Variants in BRINP1 observed in about 807,000 individuals in gnomAD.
BRINP1 encodes the protein BMP/retinoic acid-inducible neural-specific protein 1.
BRINP1 carries 17 observed loss-of-function variants against 72.9 expected under a neutral mutation model. The ratio of observed to expected loss-of-function variants is 0.23; its 90% confidence interval spans 0.16 to 0.35. BRINP1 has a LOEUF of 0.35. BRINP1 is among the 10% of genes least tolerant of loss of function. The pLI, the probability that BRINP1 is intolerant of heterozygous loss-of-function variation, is 1.00. For synonymous variants in BRINP1, 418 were observed against 378.5 expected (o/e 1.10, Z -1.21); for missense variants, 850 against 1,001.6 (o/e 0.85, Z 2.04).
chr9:119,355,102 C>T (rs1405390684), intron 1 of BRINP1, among the ~76,000 whole-genome samples: 1 of 152,156 alleles, frequency 6.6e-6, no homozygotes, highest in African/African-American at 2.4e-5. Flanking sequence ...AATTAAAATG[C>T]TGACTACACA....
chr9:119,330,692 G>T (rs1241080313), intron 1 of BRINP1, among the ~76,000 whole-genome samples: 1 of 152,096 alleles, frequency 6.6e-6, no homozygotes, highest in African/African-American at 2.4e-5. Flanking sequence ...AAATGTGATT[G>T]ACCTTTCATA....
intron 7 of BRINP1, among the ~76,000 whole-genome samples, chr9:119,169,259 T>TCATTG (rs1194814841): frequency 2.0e-5 from 3 of 152,012 alleles, no homozygotes; most frequent in Admixed American, 1.3e-4. Context: ...TGGGCGCAGG[T>TCATTG]CATTGGGTGC....
At chr9:119,361,599 A>T (rs897874196) in intron 1 of BRINP1, among the ~76,000 whole-genome samples, 2 of 150,574 alleles carry the variant, frequency 1.3e-5, no homozygotes, top group African/African-American at 4.9e-5. Context: ...GAACTTTGTC[A>T]TGCAACATAT....
intron 5 of BRINP1, among the ~76,000 whole-genome samples, chr9:119,235,195 T>A (rs1230137151): frequency 1.3e-5 from 2 of 152,154 alleles, no homozygotes; most frequent in Non-Finnish European, 2.9e-5. Context: ...TTCTAAAATA[T>A]CAATCTCTTC....
At chr9:119,195,215 C>T (rs183649556) in intron 7 of BRINP1, among the ~76,000 whole-genome samples, 1 of 152,216 alleles carries the variant, frequency 6.6e-6, no homozygotes, top group East Asian at 1.9e-4. Flanking sequence ...CTTGCTCACC[C>T]CCCTACCACT....
chr9:119,199,635 C>T (rs1829782783), intron 7 of BRINP1, among the ~76,000 whole-genome samples: 1 of 152,068 alleles, frequency 6.6e-6, no homozygotes, highest in South Asian at 2.1e-4. Context: ...AGTTAAGCTT[C>T]CATGGATCTT....
rs554852563 is a variant in BRINP1 at position 119,292,296 on chromosome 9, C to A, written c.218+20842G>T. 3.3e-5 allele frequency among the ~76,000 whole-genome samples: 5 copies of A among 152,156 alleles called. No homozygotes were observed. In the South Asian group the frequency reaches 6.2e-4, roughly 19 times the overall value. ...CCTCTGCTCAAGTTGACTGCTTAAA[C>A]GGAGAAGAAAAATATAATGGACGTA... is the stretch of plus-strand genomic sequence containing the variant. On this transcript the variant is annotated intron_variant, in intron 2 of 7. Coordinates refer to ENST00000265922, the MANE Select transcript of BRINP1 (RefSeq NM_014618.3).
chr9:119,296,733 A>T (rs558760825), intron 2 of BRINP1, among the ~76,000 whole-genome samples: 8 of 152,340 alleles, frequency 5.3e-5, no homozygotes, highest in African/African-American at 1.7e-4. Flanking sequence ...CCTGGAGGAC[A>T]TTATGCTAAA....
intron 7 of BRINP1, among the ~76,000 whole-genome samples, chr9:119,170,027 G>A (rs1829383355): frequency 1.3e-5 from 2 of 152,106 alleles, no homozygotes; most frequent in African/African-American, 4.8e-5. Context: ...CACAAAGATG[G>A]GGAAAAAACA....
chr9:119,177,286 T>C (rs1829500218), intron 7 of BRINP1, among the ~76,000 whole-genome samples: 1 of 152,102 alleles, frequency 6.6e-6, no homozygotes, highest in Non-Finnish European at 1.5e-5. Flanking sequence ...CCAATCCTAT[T>C]ACAGCCTGGA....
intron 7 of BRINP1, among the ~76,000 whole-genome samples, chr9:119,185,442 A>C (rs1829606926): frequency 1.3e-5 from 2 of 152,344 alleles, no homozygotes; most frequent in Non-Finnish European, 2.9e-5. Context: ...ACATCTCTGA[A>C]GAGTGCATTA....
At chr9:119,311,205 G>T (rs1831063010) in intron 2 of BRINP1, among the ~76,000 whole-genome samples, 1 of 152,072 alleles carries the variant, frequency 6.6e-6, no homozygotes, top group Non-Finnish European at 1.5e-5. Flanking sequence ...GTCTGTAGCT[G>T]GTGCTTAATA....
At chr9:119,202,603 C>T (rs930636462) in intron 7 of BRINP1, among the ~76,000 whole-genome samples, 15 of 152,190 alleles carry the variant, frequency 9.9e-5, no homozygotes, top group Non-Finnish European at 1.8e-4. Context: ...GGTGGCAAGA[C>T]AAGCCACAGG....
intron 7 of BRINP1, among the ~76,000 whole-genome samples, chr9:119,180,894 AGAGGAAGATGGAAG>A (rs1358923904): frequency 6.6e-6 from 1 of 152,166 alleles, no homozygotes; most frequent in Non-Finnish European, 1.5e-5. Flanking sequence ...TGGAGAGGGC[AGAGGAAGATGGAAG>A]AAGGAAGAAG....
At chr9:119,213,356 C>T (rs1173659985) in intron 6 of BRINP1, among the ~76,000 whole-genome samples, 1 of 152,206 alleles carries the variant, frequency 6.6e-6, no homozygotes, top group Non-Finnish European at 1.5e-5. Flanking sequence ...GGATGACTGT[C>T]TTTCCACCCC....
intron 2 of BRINP1, among the ~76,000 whole-genome samples, chr9:119,253,546 T>C (rs147181677): frequency 2.0e-5 from 3 of 152,082 alleles, no homozygotes; most frequent in Non-Finnish European, 2.9e-5. Flanking sequence ...TTGTGGGAGA[T>C]GAAAAATGGA....
chr9:119,349,034 A>G (rs1831476811), intron 1 of BRINP1, among the ~76,000 whole-genome samples: 2 of 152,170 alleles, frequency 1.3e-5, no homozygotes, highest in Admixed American at 6.5e-5. Flanking sequence ...GTTATTTGCC[A>G]GGTTGAAACA....
chr9:119,326,967 C>T (rs1027585538), intron 1 of BRINP1, among the ~76,000 whole-genome samples: 1 of 152,080 alleles, frequency 6.6e-6, no homozygotes, highest in Non-Finnish European at 1.5e-5. Context: ...CCAAGAGAAG[C>T]ATGTGAAATG....
In BRINP1 at chr9:119,208,759, G is replaced by A. The variant is rs201491506; in HGVS notation, c.1105C>T (p.Arg369Cys). The change falls in exon 7 of 8, where the codon CGC (arginine) becomes TGC (cysteine). Residue 369 changes from arginine (R) to cysteine (C), a missense_variant. Arg to Cys is a radical substitution (Grantham distance 180, BLOSUM62 -3). Transcript: ENST00000265922. ...TARKLFGLSV[R>C]CRHNPNHQLP... is the part of the protein sequence containing the mutation. Reference sequence around the variant, plus strand: ...TGGTGGTTGGGATTGTGGCGACAGCGTACACTGAGGCCGAAAAGCTTGCGG... The same window carrying A: ...TGGTGGTTGGGATTGTGGCGACAGCATACACTGAGGCCGAAAAGCTTGCGG... 4.2e-5 allele frequency: 68 copies of A among 1,613,698 alleles called. No homozygotes were observed. The highest frequency in any genetic ancestry group is 8.0e-5 in the African/African-American group (6 of 75,032).
Sources: allele counts gnomAD v4.1 joint callset (sites outside exome capture counted in the v4.1 genomes callset), GRCh38; gene constraint gnomAD v4.1.1; transcripts MANE v1.5; gene names NCBI Gene and HGNC (gene_info 2026-07-23, HGNC 2026-07-21).